UNC13B: variants seen among roughly 807,000 people sequenced by gnomAD.
UNC13B encodes the protein unc-13 homolog B.
In UNC13B, 144 loss-of-function variants were observed where a neutral mutation model predicts 211.0. The observed-to-expected ratio is 0.68, with a 90% CI of 0.60 to 0.78. The LOEUF (loss-of-function observed/expected upper bound fraction) is 0.78, where lower values mean the gene tolerates loss of function less well. Among genes scored for constraint, UNC13B ranks in the 30% least tolerant of loss-of-function variants. The pLI, the probability that UNC13B is intolerant of heterozygous loss-of-function variation, is 0.00. For missense variants in UNC13B, 1,777 were observed against 2,002.0 expected (o/e 0.89, Z 2.14); for synonymous variants, 709 against 725.8 (o/e 0.98, Z 0.37).
intron 15 of UNC13B, among the ~76,000 whole-genome samples, chr9:35,376,967 A>G (rs530506595): frequency 6.6e-6 from 1 of 152,180 alleles, no homozygotes; most frequent in Non-Finnish European, 1.5e-5. Flanking sequence ...GTGGGAAACT[A>G]TTTTCCTGCC....
At chr9:35,179,295 T>C (rs895907414) in intron 1 of UNC13B, among the ~76,000 whole-genome samples, 2 of 152,210 alleles carry the variant, frequency 1.3e-5, no homozygotes, top group Non-Finnish European at 2.9e-5. Context: ...GACAGCATTA[T>C]AGCAGGTGTT....
intron 11 of UNC13B, among the ~76,000 whole-genome samples, chr9:35,338,714 C>T (rs533882034): frequency 1.1e-4 from 16 of 152,238 alleles, no homozygotes; most frequent in South Asian, 4.1e-4. Context: ...AGATATTGGC[C>T]GCACCCATCC....
intron 11 of UNC13B, among the ~76,000 whole-genome samples, chr9:35,334,280 T>C (rs1831532190): frequency 6.6e-6 from 1 of 152,240 alleles, no homozygotes; most frequent in African/African-American, 2.4e-5. Context: ...TATTCATTTT[T>C]GTACCTCCCC....
At chr9:35,231,714 A>G (rs1825213477) in intron 3 of UNC13B, among the ~76,000 whole-genome samples, 1 of 152,174 alleles carries the variant, frequency 6.6e-6, no homozygotes, top group African/African-American at 2.4e-5. Context: ...TTATGGAGTA[A>G]AATGTCCTAT....
chr9:35,362,314 G>A (rs1182174782), intron 11 of UNC13B, among the ~76,000 whole-genome samples: 1 of 152,202 alleles, frequency 6.6e-6, no homozygotes, highest in African/African-American at 2.4e-5. Context: ...AGAGATGGAA[G>A]ATAGAAGTTT....
intron 2 of UNC13B, among the ~76,000 whole-genome samples, chr9:35,228,552 C>T (rs1278009307): frequency 6.6e-6 from 1 of 151,856 alleles, no homozygotes; most frequent in Non-Finnish European, 1.5e-5. Context: ...TGTATCATGT[C>T]TTGCAGTTCA....
chr9:35,293,479 T>C (rs1308808540), intron 7 of UNC13B, among the ~76,000 whole-genome samples: 1 of 152,226 alleles, frequency 6.6e-6, no homozygotes, highest in Non-Finnish European at 1.5e-5. Context: ...GCTAATACTT[T>C]TCCTGCCAGA....
intron 21 of UNC13B, among the ~76,000 whole-genome samples, chr9:35,383,859 C>A (rs902216546): frequency 7.9e-5 from 12 of 151,998 alleles, no homozygotes; most frequent in African/African-American, 2.9e-4. Flanking sequence ...AGTCAGGAGA[C>A]CTCAGACTCA....
chr9:35,367,244 C>T (rs1468303307), intron 12 of UNC13B, among the ~76,000 whole-genome samples: 1 of 152,102 alleles, frequency 6.6e-6, no homozygotes, highest in Non-Finnish European at 1.5e-5. Context: ...GCCTTCTCAT[C>T]CTTGCCTCTA....
intron 1 of UNC13B, among the ~76,000 whole-genome samples, chr9:35,189,547 AT>A (rs1171936543): frequency 6.6e-6 from 1 of 152,244 alleles, no homozygotes; most frequent in Non-Finnish European, 1.5e-5. Flanking sequence ...GAACTAAAAA[AT>A]ATTTAAGTGC....
intron 2 of UNC13B, among the ~76,000 whole-genome samples, chr9:35,228,610 A>G (rs1825003262): frequency 6.6e-6 from 1 of 151,980 alleles, no homozygotes; most frequent in South Asian, 2.1e-4. Context: ...CTATTGGGTC[A>G]TATATAAAAT....
intron 1 of UNC13B, among the ~76,000 whole-genome samples, chr9:35,216,998 A>G (rs577170265): frequency 2.6e-5 from 4 of 152,296 alleles, no homozygotes; most frequent in African/African-American, 7.2e-5. Context: ...AATGGTTCCA[A>G]TGGTTTGGGA....
chr9:35,162,823 G>C (rs1029560703), intron 1 of UNC13B, among the ~76,000 whole-genome samples: 4 of 152,140 alleles, frequency 2.6e-5, no homozygotes, highest in African/African-American at 9.7e-5. Flanking sequence ...TTATTCTTCT[G>C]TTCCACTTGG....
At chr9:35,179,757 C>A (rs1821833592) in intron 1 of UNC13B, among the ~76,000 whole-genome samples, 1 of 152,064 alleles carries the variant, frequency 6.6e-6, no homozygotes, top group Non-Finnish European at 1.5e-5. Context: ...CACCACTGTG[C>A]CCTAGCCCAG....
chr9:35,235,986 GC>G (rs907862782), intron 3 of UNC13B, among the ~76,000 whole-genome samples: 7 of 80,568 alleles, frequency 8.7e-5, no homozygotes, highest in South Asian at 5.6e-4. Flanking sequence ...TTCTTTTCCC[GC>G]CCCCCCTCCC....
chr9:35,329,967 G>A (rs1831275268), intron 11 of UNC13B, among the ~76,000 whole-genome samples: 1 of 152,158 alleles, frequency 6.6e-6, no homozygotes, highest in Non-Finnish European at 1.5e-5. Flanking sequence ...GGTAGACACA[G>A]AGCCCAAGAG....
chr9:35,278,434 C>T (rs193184911), intron 7 of UNC13B, among the ~76,000 whole-genome samples: 214 of 152,254 alleles, frequency 1.4e-3, no homozygotes, highest in South Asian at 4.4e-3. Flanking sequence ...TACTTATTTA[C>T]CCAGGACCAC....
In UNC13B at chr9:35,309,221, CA is replaced by C. The variant is rs1830066297; in HGVS notation, c.9008+810del. ...CTTGTTCAAAGGGGTTGGTCAGGGTCAGTGTGTGTGTGTGTGTGTGTGTGTG... is the reference window on the plus strand; with the variant it reads ...CTTGTTCAAAGGGGTTGGTCAGGGTCGTGTGTGTGTGTGTGTGTGTGTGTG... On this transcript the variant is annotated intron_variant, in intron 9 of 39. Coordinates refer to ENST00000635942, the MANE Select transcript of UNC13B (RefSeq NM_001371189.2). 1.5e-4 allele frequency among the ~76,000 whole-genome samples: 14 copies of C among 91,620 alleles called. No homozygotes were observed. The South Asian group carries it at 6.3e-3, about 41-fold the overall frequency. The allele number at this position is 91,620 out of a possible 152,430, so 60.1% of individuals were successfully genotyped here. A position where few individuals can be genotyped will look rare whatever the true frequency, so the allele number is the denominator to read the frequency against.
chr9:35,240,073 G>A (rs980037311), intron 5 of UNC13B, among the ~76,000 whole-genome samples: 4 of 152,148 alleles, frequency 2.6e-5, no homozygotes, highest in African/African-American at 9.7e-5. Flanking sequence ...AGTGATAAGT[G>A]TCCATGAAAT....
Sources: allele counts gnomAD v4.1 joint callset (sites outside exome capture counted in the v4.1 genomes callset), GRCh38; gene constraint gnomAD v4.1.1; transcripts MANE v1.5; gene names NCBI Gene and HGNC (gene_info 2026-07-23, HGNC 2026-07-21).